PELI2: variants seen among roughly 807,000 people sequenced by gnomAD.
PELI2 encodes the protein pellino E3 ubiquitin protein ligase family member 2, also known as E3 ubiquitin-protein ligase pellino homolog 2.
In PELI2, 23 loss-of-function variants were observed where a neutral mutation model predicts 42.3. That is an observed-to-expected ratio of 0.54 (90% CI 0.39 to 0.77). PELI2 has a LOEUF of 0.77. Among genes scored for constraint, PELI2 ranks in the 30% least tolerant of loss-of-function variants. The pLI, the probability that PELI2 is intolerant of heterozygous loss-of-function variation, is 0.00. For synonymous variants in PELI2, 245 were observed against 212.2 expected, an observed-to-expected ratio of 1.15 and a Z score of -1.34; for missense variants, 463 against 553.2, an observed-to-expected ratio of 0.84 and a Z score of 1.64.
intron 1 of PELI2, among the ~76,000 whole-genome samples, chr14:56,141,385 C>T (rs1252958146): frequency 3.3e-5 from 5 of 152,098 alleles, no homozygotes; most frequent in East Asian, 1.9e-4. Context: ...TTGGCTGGCA[C>T]GAGAATGGCC....
chr14:56,297,177 A>T lies in PELI2; in HGVS notation c.*11A>T. 5 of 1,576,290 alleles carry T rather than the reference A, an allele frequency of 3.2e-6. No individual in the cohort carries two copies. The highest frequency in any genetic ancestry group is 1.1e-5 in the South Asian group (1 of 89,546). On this transcript the variant is annotated 3_prime_UTR_variant, in exon 6 of 6. Coordinates refer to ENST00000267460, the MANE Select transcript of PELI2 (RefSeq NM_021255.3). ...GGTCCAATTGACTGACGCCCTTGAC[A>T]GCCATCTACGACTTTATTAACAGGT...
At chr14:56,192,609 C>G (rs905257307) in intron 2 of PELI2, among the ~76,000 whole-genome samples, 1 of 152,192 alleles carries the variant, frequency 6.6e-6, no homozygotes, top group Non-Finnish European at 1.5e-5. Context: ...AGTATGGAAT[C>G]TGGTTAATAG....
chr14:56,269,653 G>A (rs1889029390), intron 2 of PELI2, among the ~76,000 whole-genome samples: 1 of 152,120 alleles, frequency 6.6e-6, no homozygotes, highest in Non-Finnish European at 1.5e-5. Context: ...CAAAACTGAG[G>A]CCAGAGTACT....
At chr14:56,225,581 T>C (rs1159621542) in intron 2 of PELI2, among the ~76,000 whole-genome samples, 1 of 152,134 alleles carries the variant, frequency 6.6e-6, no homozygotes, top group Non-Finnish European at 1.5e-5. Flanking sequence ...GCCTGGGCCA[T>C]TCTACTGGGG....
At chr14:56,119,840 C>T in intron 1 of PELI2, 3 of 985,256 alleles carry the variant, frequency 3.0e-6, no homozygotes. Context: ...GACCTGTATT[C>T]AGAACATCCT....
chr14:56,233,719 C>T (rs532153713), intron 2 of PELI2, among the ~76,000 whole-genome samples: 1 of 152,216 alleles, frequency 6.6e-6, no homozygotes, highest in South Asian at 2.1e-4. Context: ...ACTGTAATAC[C>T]GAAAGCAATG....
chr14:56,187,697 A>T (rs1046025776), intron 2 of PELI2, among the ~76,000 whole-genome samples: 1 of 152,218 alleles, frequency 6.6e-6, no homozygotes, highest in Non-Finnish European at 1.5e-5. Flanking sequence ...TGACTGATTC[A>T]CAGAGATACC....
intron 1 of PELI2, among the ~76,000 whole-genome samples, chr14:56,171,703 A>G (rs1885175221): frequency 6.6e-6 from 1 of 152,142 alleles, no homozygotes; most frequent in Non-Finnish European, 1.5e-5. Flanking sequence ...GGAGGAGGTG[A>G]CAGTGTTCCA....
chr14:56,182,134 G>C (rs1036008739), intron 2 of PELI2, among the ~76,000 whole-genome samples: 2 of 152,192 alleles, frequency 1.3e-5, no homozygotes, highest in Admixed American at 6.5e-5. Context: ...GAGGAAGGGG[G>C]CACAGAGTTT....
chr14:56,121,742 C>G (rs572224280), intron 1 of PELI2, among the ~76,000 whole-genome samples: 1 of 152,336 alleles, frequency 6.6e-6, no homozygotes, highest in South Asian at 2.1e-4. Flanking sequence ...CTCCTCCTCT[C>G]TGTTTCTTTA....
chr14:56,147,160 T>C (rs1200221773), intron 1 of PELI2, among the ~76,000 whole-genome samples: 1 of 152,230 alleles, frequency 6.6e-6, no homozygotes, highest in Non-Finnish European at 1.5e-5. Flanking sequence ...GATATTCCAT[T>C]GTATATCAAT....
intron 1 of PELI2, among the ~76,000 whole-genome samples, chr14:56,174,482 C>T (rs12892717): frequency 0.38 from 57,463 of 152,070 alleles, 12,300 homozygotes; most frequent in South Asian, 0.53. Flanking sequence ...TGTCCCCACC[C>T]AAATCTCATC....
At chr14:56,145,594 T>A (rs1884085680) in intron 1 of PELI2, among the ~76,000 whole-genome samples, 1 of 152,196 alleles carries the variant, frequency 6.6e-6, no homozygotes, top group South Asian at 2.1e-4. Context: ...CTCCCCATAG[T>A]TTAAAGCTCC....
At chr14:56,191,344 A>G (rs1885942542) in intron 2 of PELI2, among the ~76,000 whole-genome samples, 1 of 152,186 alleles carries the variant, frequency 6.6e-6, no homozygotes. Context: ...GTTACAGTAA[A>G]ATTGGTTGAA....
intron 1 of PELI2, among the ~76,000 whole-genome samples, chr14:56,167,884 C>T (rs1417033534): frequency 6.6e-6 from 1 of 152,174 alleles, no homozygotes; most frequent in Non-Finnish European, 1.5e-5. Context: ...CTTTAGGGGG[C>T]ACTTCAGGCC....
intron 2 of PELI2, among the ~76,000 whole-genome samples, chr14:56,247,279 A>C (rs117123245): frequency 0.027 from 4,112 of 152,326 alleles, 98 homozygotes; most frequent in Non-Finnish European, 0.043. Context: ...TATCGTGTAT[A>C]TTCTTCCGAT....
chr14:56,271,665 G>A (rs1889108730), intron 2 of PELI2, among the ~76,000 whole-genome samples: 1 of 152,192 alleles, frequency 6.6e-6, no homozygotes, highest in Non-Finnish European at 1.5e-5. Context: ...CCATGTTGTG[G>A]CCATCATTCA....
At chr14:56,281,689 T>C (rs1352827830) in intron 3 of PELI2, among the ~76,000 whole-genome samples, 1 of 152,090 alleles carries the variant, frequency 6.6e-6, no homozygotes, top group Non-Finnish European at 1.5e-5. Flanking sequence ...GTCACAAATA[T>C]ATAAGGTACT....
chr14:56,272,654 T>G lies in PELI2; in HGVS notation c.208-7022T>G, dbSNP rs189519110. On this transcript the variant is annotated intron_variant, in intron 2 of 5. Transcript: ENST00000267460. ...TACTTTGAATGATTCACAGATACTT[T>G]TTGTAGTCTATAATCATTTTAAATA... 9.2e-4 allele frequency among the ~76,000 whole-genome samples: 140 copies of G among 152,372 alleles called. 1 individual carries two copies. The highest frequency in any genetic ancestry group is 8.1e-3 in the South Asian group (39 of 4,828).
Sources: gnomAD v4.1 joint callset for allele counts (sites outside exome capture counted in the v4.1 genomes callset) on GRCh38, gnomAD v4.1.1 for gene constraint, MANE v1.5 for transcripts, NCBI Gene and HGNC (gene_info 2026-07-23, HGNC 2026-07-21) for gene names.